Variants in MICU3 observed in about 807,000 individuals in gnomAD.
The protein encoded by MICU3 is mitochondrial calcium uptake 3, also known as calcium uptake protein 3, mitochondrial.
A neutral mutation model predicts 66.5 loss-of-function variants in MICU3; 62 were observed. The observed-to-expected ratio is 0.93, with a 90% confidence interval of 0.76 to 1.15. The LOEUF is 1.15. MICU3 is among the 50% of genes most tolerant of loss of function. The pLI, the probability that MICU3 is intolerant of heterozygous loss-of-function variation, is 0.00. For synonymous variants in MICU3, 308 were observed against 240.7 expected, an observed-to-expected ratio of 1.28 and a Z score of -2.59; for missense variants, 779 against 664.4, an observed-to-expected ratio of 1.17 and a Z score of -1.90.
At chr8:17,123,296 A>G (rs1405412144), downstream of MICU3, among the ~76,000 whole-genome samples, 1 of 152,174 alleles carries the variant, frequency 6.6e-6, no homozygotes, top group East Asian at 1.9e-4. Flanking sequence ...GAATATACCT[A>G]TAATTGTGAC....
Position 17,122,071 on chromosome 8 carries a change from C to T in MICU3, c.*1784C>T, listed in dbSNP as rs1439604362. 6.6e-6 allele frequency: 1 copy of T among 151,768 alleles called. No homozygotes were observed. Among genetic ancestry groups the T allele is most frequent in the Non-Finnish European group, 1.5e-5 (1 of 67,764 alleles). 9.4% of individuals were successfully genotyped at this position (151,768 alleles called of 1,614,324 possible). A position where few individuals can be genotyped will look rare whatever the true frequency, so the allele number is the denominator to read the frequency against. The stretch of plus-strand genomic sequence containing the variant: ...ATATAGATTAAAAATTAAATTAGCC[C>T]ATTGAAATCCTTTATAATTCTGTCA... On this transcript the variant is annotated 3_prime_UTR_variant, in exon 15 of 15. Coordinates refer to ENST00000318063, the MANE Select transcript of MICU3 (RefSeq NM_181723.3).
chr8:17,049,051 C>T (rs1416098073), intron 1 of MICU3, among the ~76,000 whole-genome samples: 3 of 152,200 alleles, frequency 2.0e-5, no homozygotes, highest in South Asian at 2.1e-4. Flanking sequence ...TTTCTTTGAA[C>T]GTCAGCCGTT....
intron 9 of MICU3, 138 bp from the exon 10 acceptor site, chr8:17,104,251 CTG>C (rs1268875128): frequency 1.5e-5 from 6 of 401,100 alleles, no homozygotes; most frequent in Non-Finnish European, 1.8e-5. Flanking sequence ...ATTAATATGC[CTG>C]TGTTTTTCAT....
chr8:17,065,700 A>G (rs1004237047), intron 2 of MICU3, among the ~76,000 whole-genome samples: 2 of 152,230 alleles, frequency 1.3e-5, no homozygotes, highest in African/African-American at 4.8e-5. Flanking sequence ...ACTAGATTTA[A>G]AAACATGAAG....
Position 17,122,336 on chromosome 8 carries a change from T to C in MICU3, c.*2049T>C, listed in dbSNP as rs192304726. ...AAATATCTCACTGAATTGTTACTTA[T>C]ATCAATTTAAAATTTGCTAGTGGTT... On this transcript the variant is annotated 3_prime_UTR_variant, in exon 15 of 15. Coordinates refer to ENST00000318063, the MANE Select transcript of MICU3 (RefSeq NM_181723.3). The C allele has an allele frequency of 2.0e-5, 3 of 152,066 alleles. No homozygotes were observed. The highest frequency in any genetic ancestry group is 6.5e-5 in the Admixed American group (1 of 15,278). 9.4% of individuals were successfully genotyped at this position (152,066 alleles called of 1,614,324 possible). A position where few individuals can be genotyped will look rare whatever the true frequency, so the allele number is the denominator to read the frequency against.
At chr8:17,070,442 T>C (rs1024447778) in intron 3 of MICU3, among the ~76,000 whole-genome samples, 1 of 152,080 alleles carries the variant, frequency 6.6e-6, no homozygotes, top group Non-Finnish European at 1.5e-5. Flanking sequence ...TTATTTAGGA[T>C]ACATTCATAC....
intron 2 of MICU3, among the ~76,000 whole-genome samples, chr8:17,066,341 G>A (rs1018736725): frequency 2.6e-5 from 4 of 151,374 alleles, no homozygotes; most frequent in Non-Finnish European, 4.4e-5. Context: ...ATTATAAGAC[G>A]ACGTAAGATA....
In MICU3 at chr8:17,098,548, G is replaced by C. The variant is rs369698557; in HGVS notation, c.979G>C (p.Ala327Pro). ...AAGCCAAGCACTGTTTTCAGACCTC[G>C]CAGAGGTATAATTAAACCTCAACAA... ...NTSQALFSDL[A>P]ERADDITSLV... Residue 327 changes from alanine (A) to proline (P), a missense_variant, in exon 9 of 15, where the codon GCA becomes CCA. Coordinates refer to ENST00000318063, the MANE Select transcript of MICU3 (RefSeq NM_181723.3). 9.4e-6 allele frequency: 15 copies of C among 1,601,156 alleles called. No individual in the cohort carries two copies. Among genetic ancestry groups the C allele is most frequent in the African/African-American group, 5.4e-5 (4 of 74,600 alleles).
chr8:17,101,097 C>T (rs757282288), intron 9 of MICU3, among the ~76,000 whole-genome samples: 8 of 151,448 alleles, frequency 5.3e-5, no homozygotes, highest in Non-Finnish European at 1.0e-4. Context: ...ATTTTTAAAC[C>T]CTTTAATAGT....
At chr8:17,083,502 CA>C (rs2150731971) in intron 5 of MICU3, among the ~76,000 whole-genome samples, 1 of 152,116 alleles carries the variant, frequency 6.6e-6, no homozygotes, top group African/African-American at 2.4e-5. Context: ...AAGTTCCTCC[CA>C]AAGTTAGTTT....
Position 17,077,830 on chromosome 8 carries a change from A to G in MICU3, c.615A>G (p.Ser205=), listed in dbSNP as rs750645681. Residue 205 remains serine (S), a synonymous_variant, in exon 4 of 15, where the codon TCA becomes TCG. Transcript: ENST00000318063. The part of the protein sequence containing the change: ...LAETPPVWKG[S]SKLFRNLKEK... ...AAACACCACCAGTTTGGAAAGGCTC[A>G]TCGAAGCTATTTCGAAATCTTAAAG... 10 of 1,611,442 alleles carry G rather than the reference A, an allele frequency of 6.2e-6. No homozygotes were observed. The highest frequency in any genetic ancestry group is 5.5e-5 in the South Asian group (5 of 90,900).
intron 1 of MICU3, among the ~76,000 whole-genome samples, chr8:17,037,390 C>G (rs971168119): frequency 2.6e-5 from 4 of 152,188 alleles, no homozygotes; most frequent in Non-Finnish European, 2.9e-5. Flanking sequence ...CACCTTGCTG[C>G]TTTGTACATT....
chr8:17,120,030 A>G (rs1014173720), intron 14 of MICU3, among the ~76,000 whole-genome samples: 4 of 152,204 alleles, frequency 2.6e-5, no homozygotes, highest in Non-Finnish European at 5.9e-5. Flanking sequence ...GTAGTATCAC[A>G]CTGGCACCAC....
intron 1 of MICU3, among the ~76,000 whole-genome samples, chr8:17,033,293 A>T (rs1302469326): frequency 6.6e-6 from 1 of 152,214 alleles, no homozygotes; most frequent in East Asian, 1.9e-4. Context: ...AGGAAATTAA[A>T]AGTGCTCTTT....
chr8:17,117,716 C>G (rs1365921319), intron 13 of MICU3, among the ~76,000 whole-genome samples: 1 of 150,530 alleles, frequency 6.6e-6, no homozygotes, highest in African/African-American at 2.4e-5. Context: ...TCAAGAGATT[C>G]CCTTGCCTCA....
the MICU3 span, among the ~76,000 whole-genome samples, chr8:17,130,483 C>T: frequency 6.6e-6 from 1 of 151,418 alleles, no homozygotes; most frequent in Admixed American, 6.6e-5. Context: ...CGCACCATTG[C>T]ACTGCAGCCT....
Position 17,027,531 on chromosome 8 carries a change from G to T in MICU3, c.252G>T (p.Gln84His). Residue 84 changes from glutamine (Q) to histidine (H), a missense_variant, in exon 1 of 15, where the codon CAG becomes CAT. By Grantham distance (24) the Gln-to-His change is conservative. Coordinates refer to ENST00000318063, the MANE Select transcript of MICU3 (RefSeq NM_181723.3). ...GGCTGGTCGGCCTGGTATGCTACCA[G>T]CTGTACGGGGACCCCAGGGCCGGCT... is the stretch of plus-strand genomic sequence containing the variant. ...GGGLVGLVCY[Q>H]LYGDPRAGSP... 1 of 1,280,986 alleles carries T rather than the reference G, an allele frequency of 7.8e-7. No individual in the cohort carries two copies. Among genetic ancestry groups the T allele is most frequent in the Non-Finnish European group, 9.8e-7 (1 of 1,016,382 alleles). The allele number at this position is 1,280,986 out of a possible 1,614,324, so 79.4% of individuals were successfully genotyped here.
At chr8:17,074,574 T>C (rs2150692203) in intron 3 of MICU3, among the ~76,000 whole-genome samples, 1 of 148,692 alleles carries the variant, frequency 6.7e-6, no homozygotes, top group East Asian at 2.0e-4. Flanking sequence ...AGAATCAGAC[T>C]AAAATGATGT....
chr8:17,110,122 A>G (rs909411008), intron 11 of MICU3, among the ~76,000 whole-genome samples: 3 of 152,232 alleles, frequency 2.0e-5, no homozygotes, highest in Admixed American at 6.5e-5. Context: ...AACATGGCTT[A>G]TATACACTTG....
Sources: allele counts gnomAD v4.1 joint callset (sites outside exome capture counted in the v4.1 genomes callset), GRCh38; gene constraint gnomAD v4.1.1; transcripts MANE v1.5; gene names NCBI Gene and HGNC (gene_info 2026-07-23, HGNC 2026-07-21).